PHKA2: variants seen among roughly 807,000 people sequenced by gnomAD.
The protein encoded by PHKA2 is phosphorylase kinase regulatory subunit alpha 2.
PHKA2 carries 31 observed loss-of-function variants against 102.0 expected under a neutral mutation model. The observed-to-expected ratio is 0.30, with a 90% CI of 0.23 to 0.41. The LOEUF (loss-of-function observed/expected upper bound fraction) is 0.41. PHKA2 is among the 10% of genes least tolerant of loss of function. PHKA2 has a pLI of 1.00. For synonymous variants in PHKA2, 455 were observed against 416.2 expected (o/e 1.09, Z -1.13); for missense variants, 858 against 1,023.1 (o/e 0.84, Z 2.20).
chrX:18,952,134 C>T (rs866052879), intron 3 of PHKA2, among the ~76,000 whole-genome samples: 11 of 97,937 alleles, frequency 1.1e-4, no homozygotes, highest in African/African-American at 4.2e-4. Context: ...GGATCACTTG[C>T]GCCCAGGTGT....
At chrX:18,965,675 A>G (rs1311174548) in intron 1 of PHKA2, among the ~76,000 whole-genome samples, 1 of 110,739 alleles carries the variant, frequency 9.0e-6, no homozygotes, top group Non-Finnish European at 1.9e-5. Flanking sequence ...TAAGGAGAGC[A>G]TTGGATATTC....
intron 7 of PHKA2, among the ~76,000 whole-genome samples, chrX:18,942,688 T>TA (rs773282177): frequency 1.9e-5 from 2 of 107,511 alleles, no homozygotes; most frequent in East Asian, 2.9e-4. Context: ...ACAAAAAAAT[T>TA]AAAAAAAAAT....
Position 18,892,893 on chromosome X carries a change from G to T in PHKA2, c.*592C>A, listed in dbSNP as rs1419872328. Reference sequence around the variant, plus strand: ...GAATTTTCTAAATCTTGGGGACAGAGAATTATGTTACATCAAGGCAGCCAT... The same window carrying T: ...GAATTTTCTAAATCTTGGGGACAGATAATTATGTTACATCAAGGCAGCCAT... On this transcript the variant is annotated 3_prime_UTR_variant, in exon 33 of 33. Transcript: ENST00000379942. 1 of 118,184 alleles carries T rather than the reference G, an allele frequency of 8.5e-6. No individual in the cohort carries two copies. Among genetic ancestry groups the T allele is most frequent in the Non-Finnish European group, 1.8e-5 (1 of 56,507 alleles). 9.7% of individuals were successfully genotyped at this position (118,184 alleles called of 1,213,427 possible). A position where few individuals can be genotyped will look rare whatever the true frequency, so the allele number is the denominator to read the frequency against.
rs376018294 is a variant in PHKA2 at position 18,897,313 on chromosome X, C to T, written c.3132G>A (p.Ser1044=). 24 of 1,207,326 alleles carry T rather than the reference C, an allele frequency of 2.0e-5. No homozygotes were observed. The highest frequency in any genetic ancestry group is 7.0e-5 in the African/African-American group (4 of 56,948). The part of the protein sequence containing the change: ...SKSARSSTPS[S]PTGTSSSDSG... ...AGTCTGAGGATGACGTGCCAGTGGG[C>T]GAGGATGGGGTGCTGGACCTCTGCA... The change falls in exon 30 of 33, where the codon TCG becomes TCA. Residue 1044 remains serine, a synonymous_variant. Transcript: ENST00000379942.
chrX:18,894,769 A>C (rs2047503476), intron 31 of PHKA2: 1 of 384,109 alleles, frequency 2.6e-6, no homozygotes, highest in Admixed American at 4.5e-5. Flanking sequence ...AAAGAATGAC[A>C]AATCACCTAG....
At chrX:18,959,442 C>T (rs376783313) in intron 1 of PHKA2, among the ~76,000 whole-genome samples, 1 of 111,536 alleles carries the variant, frequency 9.0e-6, no homozygotes, top group Non-Finnish European at 1.9e-5. Context: ...GAAAAAAACA[C>T]CAAAGTTTGG....
At position 18,894,053 on chromosome X, in the gene PHKA2, T is replaced by C. The variant is rs180712292; in HGVS notation, c.3537+151A>G. 55 of 554,963 alleles carry C rather than the reference T, an allele frequency of 9.9e-5. No individual in the cohort carries two copies. In the East Asian group the frequency reaches 2.0e-3, roughly 20 times the overall value. 45.7% of individuals were successfully genotyped at this position (554,963 alleles called of 1,213,427 possible). ...GTCTTGAGATTTCCCAAGTGGCCAC[T>C]GTACCATTTTCTAAGCAAGTGGTTG... is the stretch of plus-strand genomic sequence containing the variant. On this transcript the variant is annotated intron_variant, in intron 32 of 32. Coordinates refer to ENST00000379942, the MANE Select transcript of PHKA2 (RefSeq NM_000292.3).
intron 1 of PHKA2, among the ~76,000 whole-genome samples, chrX:18,956,879 G>A (rs1490050163): frequency 8.9e-6 from 1 of 112,595 alleles, no homozygotes; most frequent in African/African-American, 3.2e-5. Context: ...CAGATACTCT[G>A]CCACTTCTGC....
chrX:18,943,069 C>A (rs111845441), intron 7 of PHKA2, among the ~76,000 whole-genome samples: 1,520 of 111,163 alleles, frequency 0.014, 25 homozygotes, highest in African/African-American at 0.048. Context: ...CAAAGCTCTC[C>A]ATTCACAAGT....
In PHKA2 at chrX:18,935,951, G is replaced by T. The variant is rs145242827; in HGVS notation, c.1137+104C>A. On this transcript the variant is annotated intron_variant, in intron 11 of 32. Transcript: ENST00000379942. ...TTTTGAAACCATGTTTGGAGAAAAA[G>T]TGTTCATTAGTTCGAAAAAGGGGAT... 1.1e-3 allele frequency: 630 copies of T among 580,764 alleles called. 5 individuals carry two copies. The East Asian group carries it at 0.011, about 10-fold the overall frequency. 47.9% of individuals were successfully genotyped at this position (580,764 alleles called of 1,213,427 possible).
chrX:18,913,075 C>CA (rs752580775), intron 19 of PHKA2, among the ~76,000 whole-genome samples: 1,353 of 40,004 alleles, frequency 0.034, 39 homozygotes, highest in African/African-American at 0.097. Flanking sequence ...AAGACCCTGT[C>CA]AAAAAAAAAA....
chrX:18,931,835 T>C (rs933178160), intron 11 of PHKA2, 87 bp from the exon 12 acceptor site: 41 of 671,592 alleles, frequency 6.1e-5, no homozygotes, highest in East Asian at 3.2e-5. Context: ...TGAGGATTTA[T>C]GAAATGGTAC....
chrX:18,965,586 T>G (rs1238981793), intron 1 of PHKA2, among the ~76,000 whole-genome samples: 1 of 110,487 alleles, frequency 9.1e-6, no homozygotes, highest in Non-Finnish European at 1.9e-5. Context: ...CTTTCTGGGG[T>G]GTGTGTGGGG....
chrX:18,913,446 C>T (rs56044595), intron 19 of PHKA2, among the ~76,000 whole-genome samples: 16,093 of 108,772 alleles, frequency 0.15, 1,039 homozygotes, highest in East Asian at 0.31. Context: ...CGCCTTGTTG[C>T]CCAGGCTGGA....
At chrX:18,956,219 G>A (rs1378189867) in intron 1 of PHKA2, among the ~76,000 whole-genome samples, 4 of 111,596 alleles carry the variant, frequency 3.6e-5, no homozygotes, top group Non-Finnish European at 7.5e-5. Flanking sequence ...AGCTACTTGG[G>A]AGGCTGAGAC....
intron 18 of PHKA2, among the ~76,000 whole-genome samples, chrX:18,919,626 T>C (rs1281015865): frequency 5.6e-5 from 6 of 107,516 alleles, no homozygotes; most frequent in African/African-American, 1.4e-4. Flanking sequence ...GGTGGGAGGA[T>C]TGCTTGAGCC....
intron 1 of PHKA2, among the ~76,000 whole-genome samples, chrX:18,966,148 C>T (rs150690062): frequency 0.019 from 1,925 of 100,680 alleles, 27 homozygotes; most frequent in Middle Eastern, 0.091. Context: ...AGTGCATTGG[C>T]GCGATCTCGG....
chrX:18,978,826 TG>T, intron 1 of PHKA2, among the ~76,000 whole-genome samples: 2 of 112,055 alleles, frequency 1.8e-5, no homozygotes, highest in Admixed American at 1.9e-4. Context: ...TCCTTCTTAA[TG>T]GGATAAGGCC....
chrX:18,965,109 T>TC (rs2048920136), intron 1 of PHKA2, among the ~76,000 whole-genome samples: 1 of 112,094 alleles, frequency 8.9e-6, no homozygotes, highest in Non-Finnish European at 1.9e-5. Context: ...TCGTTCCAGA[T>TC]CCCCACGCTC....
Sources: gnomAD v4.1 joint callset for allele counts (sites outside exome capture counted in the v4.1 genomes callset) on GRCh38, gnomAD v4.1.1 for gene constraint, MANE v1.5 for transcripts, NCBI Gene and HGNC (gene_info 2026-07-23, HGNC 2026-07-21) for gene names.